The following ATP8B1 variants were observed in gnomAD, a reference collection of about 807,000 sequenced individuals.
ATP8B1 encodes the protein phospholipid-transporting ATPase IC.
ATP8B1 carries 80 observed loss-of-function variants against 149.9 expected under a neutral mutation model. The observed-to-expected ratio is 0.53, with a 90% CI of 0.45 to 0.64. ATP8B1 has a LOEUF of 0.64. ATP8B1 is among the 30% of genes least tolerant of loss of function. The pLI, the probability that ATP8B1 is intolerant of heterozygous loss-of-function variation, is 0.00. For synonymous variants in ATP8B1, 536 were observed against 562.8 expected (o/e 0.95, Z 0.67); for missense variants, 1,247 against 1,552.6 (o/e 0.80, Z 3.31).
intron 14 of ATP8B1, 88 bp downstream of exon 14, chr18:57,684,984 C>T: frequency 6.5e-7 from 1 of 1,530,594 alleles, no homozygotes; most frequent in Non-Finnish European, 9.1e-7. Flanking sequence ...ACGAAAGAGT[C>T]TTCCCTAGAC....
intron 2 of ATP8B1, among the ~76,000 whole-genome samples, chr18:57,712,059 A>ATC (rs1913714855): frequency 6.6e-6 from 1 of 151,290 alleles, no homozygotes; most frequent in South Asian, 2.1e-4. Flanking sequence ...ATATATATAT[A>ATC]TATATATATG....
intron 15 of ATP8B1, among the ~76,000 whole-genome samples, chr18:57,677,375 T>C (rs1361425037): frequency 6.6e-6 from 1 of 152,230 alleles, no homozygotes; most frequent in Non-Finnish European, 1.5e-5. Context: ...TTTTCTACTC[T>C]AGTTATTTTG....
intron 2 of ATP8B1, among the ~76,000 whole-genome samples, chr18:57,714,803 G>A (rs1913925821): frequency 6.6e-6 from 1 of 152,150 alleles, no homozygotes; most frequent in Non-Finnish European, 1.5e-5. Flanking sequence ...TGAATACCTG[G>A]AAATCCTTCC....
rs754951059 is a variant in ATP8B1, at chr18:57,655,181, AACATT to A, written c.2931+8_2931+12del. Reference sequence around the variant, plus strand: ...CTACTTAGTAAATAACAATAATAACAACATTACATTACCTGCGCAGAGTAGCCATT... The same window carrying A: ...CTACTTAGTAAATAACAATAATAACAACATTACCTGCGCAGAGTAGCCATT... On this transcript the variant is annotated splice_region_variant and intron_variant, in intron 23 of 27. Transcript: ENST00000648908. 1 of 1,583,080 alleles carries A rather than the reference AACATT, an allele frequency of 6.3e-7. No homozygotes were observed. Among genetic ancestry groups the A allele is most frequent in the South Asian group, 1.1e-5 (1 of 90,402 alleles).
At chr18:57,690,337 G>C (rs1912471862) in intron 12 of ATP8B1, among the ~76,000 whole-genome samples, 1 of 152,192 alleles carries the variant, frequency 6.6e-6, no homozygotes. Context: ...CTGAGCACCA[G>C]ATCACACTTG....
intron 20 of ATP8B1, among the ~76,000 whole-genome samples, chr18:57,665,328 G>T (rs901781083): frequency 1.3e-5 from 2 of 151,984 alleles, no homozygotes; most frequent in Admixed American, 6.6e-5. Context: ...TCTCTATAAA[G>T]GTAAACTCAG....
intron 13 of ATP8B1, among the ~76,000 whole-genome samples, chr18:57,687,525 T>C (rs1426408381): frequency 6.6e-6 from 1 of 152,156 alleles, no homozygotes; most frequent in Non-Finnish European, 1.5e-5. Context: ...TTCAGGTTCA[T>C]CTGTGTTGTA....
At chr18:57,680,683 TCTCACCCCCTTTAAATGATTTG>T (rs6146331) in intron 15 of ATP8B1, among the ~76,000 whole-genome samples, 61,012 of 150,946 alleles carry the variant, frequency 0.4, 12,732 homozygotes, top group East Asian at 0.66. Context: ...TCCTCAATCC[TCTCACCCCCTTTAAATGATTTG>T]CCAAGTGTCT....
intron 6 of ATP8B1, among the ~76,000 whole-genome samples, chr18:57,699,506 G>A (rs901054107): frequency 6.6e-6 from 1 of 151,976 alleles, no homozygotes; most frequent in Non-Finnish European, 1.5e-5. Flanking sequence ...GGAGGCCGAG[G>A]TGAGTGGATC....
chr18:57,669,335 TCTC>T lies in ATP8B1; in HGVS notation c.2077_2079del (p.Glu693del). On this transcript the variant is annotated inframe_deletion, in exon 18 of 28. Transcript: ENST00000648908. ...AAACTCACAATTAAGTCTTTTTCAA[TCTC>T]CTCATATACTTTATCCAGAGCTTCG... 6.3e-7 allele frequency: 1 copy of T among 1,599,834 alleles called. No individual in the cohort carries two copies. The highest frequency in any genetic ancestry group is 8.5e-7 in the Non-Finnish European group (1 of 1,175,074).
At position 57,697,136 on chromosome 18, in the gene ATP8B1, C is replaced by T. The variant is rs1003113733; in HGVS notation, c.698+482G>A. On this transcript the variant is annotated intron_variant, in intron 8 of 27. Transcript: ENST00000648908. ...ATTAGCTGGGTGTGGGGGCTGGAGC[C>T]TGTAATCTCAGTTACTCAAGAGGCT... Among the ~76,000 whole-genome samples the T allele has an allele frequency of 7.9e-5, 12 of 152,154 alleles. 2 individuals are homozygous for T. Among genetic ancestry groups the T allele is most frequent in the Admixed American group, 3.3e-4 (5 of 15,278 alleles).
chr18:57,777,440 A>G (rs1288984484), intron 1 of ATP8B1, among the ~76,000 whole-genome samples: 1 of 152,256 alleles, frequency 6.6e-6, no homozygotes, highest in African/African-American at 2.4e-5. Flanking sequence ...AAACATGAAT[A>G]TATATGTTTG....
chr18:57,698,278 G>C (rs772830968), intron 6 of ATP8B1, among the ~76,000 whole-genome samples: 4 of 152,124 alleles, frequency 2.6e-5, no homozygotes, highest in Non-Finnish European at 4.4e-5. Context: ...GGGCCTCCCA[G>C]AGTCTTCGTG....
intron 15 of ATP8B1, among the ~76,000 whole-genome samples, chr18:57,679,907 C>T (rs1384677427): frequency 5.9e-5 from 9 of 151,924 alleles, no homozygotes; most frequent in Admixed American, 5.2e-4. Flanking sequence ...TCAGGTGATC[C>T]GCCTACCTCA....
chr18:57,800,564 C>G (rs902488895), intron 1 of ATP8B1, among the ~76,000 whole-genome samples: 11 of 151,996 alleles, frequency 7.2e-5, no homozygotes, highest in African/African-American at 2.7e-4. Flanking sequence ...TAAAAATATA[C>G]CAGATACCTG....
chr18:57,674,269 GAA>G, intron 16 of ATP8B1, among the ~76,000 whole-genome samples: 1 of 137,736 alleles, frequency 7.3e-6, no homozygotes, highest in Non-Finnish European at 1.6e-5. Context: ...GAAAAGAAAA[GAA>G]AAAAAAGAGA....
At chr18:57,786,205 C>G (rs1370638239) in intron 1 of ATP8B1, among the ~76,000 whole-genome samples, 1 of 152,136 alleles carries the variant, frequency 6.6e-6, no homozygotes, top group Non-Finnish European at 1.5e-5. Context: ...TAAACACAGA[C>G]AAATAGACCA....
chr18:57,765,772 G>A (rs982254516), intron 1 of ATP8B1, among the ~76,000 whole-genome samples: 1 of 151,750 alleles, frequency 6.6e-6, no homozygotes, highest in African/African-American at 2.4e-5. Context: ...AGGAGTTAGA[G>A]ACCAGTCTGG....
intron 1 of ATP8B1, among the ~76,000 whole-genome samples, chr18:57,734,264 A>G (rs556294551): frequency 2.6e-5 from 4 of 152,224 alleles, no homozygotes; most frequent in African/African-American, 9.6e-5. Context: ...ATCTCGGCTC[A>G]CTGCAACCTC....
Sources: gnomAD v4.1 joint callset for allele counts (sites outside exome capture counted in the v4.1 genomes callset) on GRCh38, gnomAD v4.1.1 for gene constraint, MANE v1.5 for transcripts, NCBI Gene and HGNC (gene_info 2026-07-23, HGNC 2026-07-21) for gene names.